HERC1: variants seen among roughly 807,000 people sequenced by gnomAD.
HERC1 encodes probable E3 ubiquitin-protein ligase HERC1.
In HERC1, 160 loss-of-function variants were observed where a neutral mutation model predicts 554.3. The observed-to-expected ratio is 0.29, with a 90% CI of 0.25 to 0.33. The LOEUF is 0.33. HERC1 is among the 10% of genes least tolerant of loss of function. HERC1 has a pLI of 1.00. For missense variants in HERC1, 4,919 were observed against 5,918.5 expected (o/e 0.83, Z 5.54); for synonymous variants, 2,175 against 2,131.7 (o/e 1.02, Z -0.56).
In HERC1 at chr15:63,757,408, A is replaced by C. The variant is rs192262964; in HGVS notation, c.1222-660T>G. On this transcript the variant is annotated intron_variant, in intron 4 of 77. Transcript: ENST00000443617. ...CCCCTGAGTACATGAGATTATAGGCACGCGCCATCATGCCCGGCTAATTTT... is the reference window on the plus strand; with the variant it reads ...CCCCTGAGTACATGAGATTATAGGCCCGCGCCATCATGCCCGGCTAATTTT... Among the ~76,000 whole-genome samples the C allele has an allele frequency of 7.2e-4, 109 of 151,892 alleles. No homozygotes were observed. The South Asian group carries it at 9.4e-3, about 13-fold the overall frequency.
At chr15:63,643,601 G>T in intron 57 of HERC1, 51 bp from the exon 58 acceptor site, 1 of 1,342,278 alleles carries the variant, frequency 7.5e-7, no homozygotes, top group Non-Finnish European at 1.0e-6. Flanking sequence ...AATTATATAA[G>T]TTCAAGATTT....
At chr15:63,713,235 C>T in intron 23 of HERC1, 118 bp downstream of exon 23, 2 of 852,970 alleles carry the variant, frequency 2.3e-6, no homozygotes, top group Non-Finnish European at 3.7e-6. Flanking sequence ...ATTTGCATTT[C>T]TTCTTTCATG....
chr15:63,663,106 C>G lies in HERC1; in HGVS notation c.8779G>C (p.Asp2927His), dbSNP rs1164482767. The G allele has an allele frequency of 1.2e-6, 2 of 1,613,884 alleles. No individual in the cohort carries two copies. The highest frequency in any genetic ancestry group is 1.7e-6 in the Non-Finnish European group (2 of 1,179,874). The stretch of plus-strand genomic sequence containing the variant: ...TCAAGATCAATTTCCAATTCCTCAT[C>G]TAAATTAAAGTCATACAACGCCCCT... ...DPGALYDFNLDEELEIDLDDE... is the reference protein window; with the variant it reads ...DPGALYDFNLHEELEIDLDDE... Residue 2927 changes from aspartate (D) to histidine (H), a missense_variant, in exon 44 of 78, where the codon GAT (aspartate) becomes CAT (histidine). Coordinates refer to ENST00000443617, the MANE Select transcript of HERC1 (RefSeq NM_003922.4).
chr15:63,757,382 C>T (rs1006351609), intron 4 of HERC1, among the ~76,000 whole-genome samples: 1 of 150,568 alleles, frequency 6.6e-6, no homozygotes, highest in African/African-American at 2.4e-5. Context: ...CCTGCCTCAG[C>T]CCCCTGAGTA....
At position 63,694,185 on chromosome 15, in the gene HERC1, TGGCAAACAC is replaced by T. The variant is rs2153050567; in HGVS notation, c.5481-37_5481-29del. ...ATGTGAAATAAAAGAAAAAAATAAG[TGGCAAACAC>T]ACAGAAGGGCAAGCATAGTGCTTAA... On this transcript the variant is annotated intron_variant, in intron 29 of 77. Coordinates refer to ENST00000443617, the MANE Select transcript of HERC1 (RefSeq NM_003922.4). This position sits in a 1 kb window ranked among gnomAD's most constrained non-coding sequence, Gnocchi z 4.3. 1 of 1,570,520 alleles carries T rather than the reference TGGCAAACAC, an allele frequency of 6.4e-7. No homozygotes were observed. Among genetic ancestry groups the T allele is most frequent in the East Asian group, 2.3e-5 (1 of 43,454 alleles).
chr15:63,693,188 A>G (rs1387111800), intron 30 of HERC1, among the ~76,000 whole-genome samples: 7 of 151,574 alleles, frequency 4.6e-5, no homozygotes, highest in African/African-American at 1.7e-4. Context: ...AACAACAACA[A>G]AAAAAACCCA....
At chr15:63,689,341 A>G (rs966081494) in intron 33 of HERC1, among the ~76,000 whole-genome samples, 2 of 152,222 alleles carry the variant, frequency 1.3e-5, no homozygotes, top group Non-Finnish European at 2.9e-5. Flanking sequence ...TAAGAAGCTT[A>G]GTACTACAGG....
chr15:63,786,839 T>G (rs2076463607), intron 1 of HERC1, among the ~76,000 whole-genome samples: 1 of 152,098 alleles, frequency 6.6e-6, no homozygotes. Context: ...CACAATACTG[T>G]GAAAGTACTA....
At chr15:63,744,164 G>GTGTCTCTCTCTCTCTC in intron 12 of HERC1, among the ~76,000 whole-genome samples, 2 of 46,312 alleles carry the variant, frequency 4.3e-5, no homozygotes, top group Non-Finnish European at 1.1e-4. Context: ...GTGTGTGTGT[G>GTGTCTCTCTCTCTCTC]TCTCTCTCTC....
At chr15:63,725,222 C>G (rs2073991849) in intron 18 of HERC1, 70 bp downstream of exon 18, 1 of 1,351,976 alleles carries the variant, frequency 7.4e-7, no homozygotes, top group Non-Finnish European at 1.0e-6. Flanking sequence ...TTTAGCAAAT[C>G]AGAATAGAGA....
chr15:63,665,973 G>C lies in HERC1; in HGVS notation c.8501C>G (p.Pro2834Arg), dbSNP rs771777431. Residue 2834 changes from proline to arginine, a missense_variant, in exon 42 of 78, where the codon CCT becomes CGT. Transcript: ENST00000443617. ...AGCATCAGCTGATGGTATGTCTCCA[G>C]GTGACTGCAAATAACAGGGATCATT... The part of the protein sequence containing the change: ...KSNDPCYLQS[P>R]GDIPSADAAE... 4 of 1,613,890 alleles carry C rather than the reference G, an allele frequency of 2.5e-6. No individual in the cohort carries two copies. The highest frequency in any genetic ancestry group is 3.4e-6 in the Non-Finnish European group (4 of 1,179,886).
At chr15:63,722,559 G>C (rs2073865997) in intron 19 of HERC1, among the ~76,000 whole-genome samples, 1 of 152,084 alleles carries the variant, frequency 6.6e-6, no homozygotes, top group Non-Finnish European at 1.5e-5. Context: ...CTTTTAAATT[G>C]CATGCCCTTC....
chr15:63,665,979 T>C lies in HERC1; in HGVS notation c.8495A>G (p.Gln2832Arg), dbSNP rs936185845. The change falls in exon 42 of 78, where the codon CAG becomes CGG. Residue 2832 changes from glutamine to arginine, a missense_variant. Physicochemically the swap from Gln to Arg is conservative, Grantham distance 43. Around this residue, in one of 11 missense-constraint regions of HERC1, gnomAD observed 1,963 missense variants for 2,228.6 expected, o/e 0.88. Transcript: ENST00000443617. The part of the protein sequence containing the change: ...GGKSNDPCYL[Q>R]SPGDIPSADA... ...AGCTGATGGTATGTCTCCAGGTGACTGCAAATAACAGGGATCATTTGACTT... is the reference window on the plus strand; with the variant it reads ...AGCTGATGGTATGTCTCCAGGTGACCGCAAATAACAGGGATCATTTGACTT... The C allele has an allele frequency of 6.2e-6, 10 of 1,613,950 alleles. No individual in the cohort carries two copies. In the African/African-American group the frequency reaches 1.3e-4, roughly 22 times the overall value.
At chr15:63,659,654 CTTTA>C in intron 47 of HERC1, 78 bp downstream of exon 47, 4 of 942,678 alleles carry the variant, frequency 4.2e-6, no homozygotes, top group Non-Finnish European at 4.9e-6. Flanking sequence ...TTTACTTTTA[CTTTA>C]TTATTATTAT....
At chr15:63,814,558 G>C (rs1366613258) in intron 1 of HERC1, among the ~76,000 whole-genome samples, 7 of 152,122 alleles carry the variant, frequency 4.6e-5, no homozygotes, top group Admixed American at 2.0e-4. Flanking sequence ...CCAGTTTCTA[G>C]CAATTCTCAT....
intron 1 of HERC1, among the ~76,000 whole-genome samples, chr15:63,776,795 G>A (rs939647687): frequency 5.3e-5 from 8 of 152,058 alleles, no homozygotes; most frequent in Non-Finnish European, 5.9e-5. Context: ...GTGAGATCTC[G>A]TCTCTACATA....
rs1555427735 is a variant in HERC1, at chr15:63,718,125, A to ACACAC, written c.3978+448_3978+449insGTGTG. Among the ~76,000 whole-genome samples the ACACAC allele has an allele frequency of 1.8e-5, 1 of 56,988 alleles. No homozygotes were observed. The highest frequency in any genetic ancestry group is 1.6e-4 in the Admixed American group (1 of 6,350). The allele number at this position is 56,988 out of a possible 152,430, so 37.4% of individuals were successfully genotyped here. On this transcript the variant is annotated intron_variant, in intron 21 of 77. Coordinates refer to ENST00000443617, the MANE Select transcript of HERC1 (RefSeq NM_003922.4). This position sits in a 1 kb window ranked among gnomAD's most constrained non-coding sequence, Gnocchi z 4.2. ...ACACACACACACACACACACACACA[A>ACACAC]CCCCCTCCTTGGTTTTCACTTCTCT...
intron 50 of HERC1, among the ~76,000 whole-genome samples, 173 bp from the exon 51 acceptor site, chr15:63,654,497 G>A (rs2069897742): frequency 6.6e-6 from 1 of 152,172 alleles, no homozygotes; most frequent in African/African-American, 2.4e-5. Context: ...ACTAAAATAT[G>A]CACACAAGAA....
chr15:63,740,293 T>C (rs2074742813), intron 12 of HERC1, among the ~76,000 whole-genome samples: 1 of 152,262 alleles, frequency 6.6e-6, no homozygotes, highest in Non-Finnish European at 1.5e-5. Flanking sequence ...TAATATTACA[T>C]TGTATGAATA....
Sources: allele counts gnomAD v4.1 joint callset (sites outside exome capture counted in the v4.1 genomes callset), GRCh38; gene constraint gnomAD v4.1.1; regional missense constraint gnomAD v4.1.1; non-coding constraint Gnocchi (gnomAD v3.1); transcripts MANE v1.5; gene names NCBI Gene and HGNC (gene_info 2026-07-23, HGNC 2026-07-21).